CGNL1: variants seen among roughly 807,000 people sequenced by gnomAD.
The protein encoded by CGNL1 is cingulin-like protein 1.
Under a neutral mutation model 141.2 loss-of-function variants are expected in CGNL1, and 132 were observed. The observed-to-expected ratio is 0.93, with a 90% CI of 0.81 to 1.08. The LOEUF (loss-of-function observed/expected upper bound fraction) is 1.08, where lower values mean the gene tolerates loss of function less well. Among genes scored for constraint, CGNL1 ranks in the 50% least tolerant of loss-of-function variants. The pLI, the probability that CGNL1 is intolerant of heterozygous loss-of-function variation, is 0.00. For missense variants in CGNL1, 1,870 were observed against 1,588.6 expected (o/e 1.18, Z -3.01); for synonymous variants, 690 against 622.1 (o/e 1.11, Z -1.63).
chr15:57,512,333 G>C (rs2030384096), intron 8 of CGNL1, among the ~76,000 whole-genome samples: 1 of 152,172 alleles, frequency 6.6e-6, no homozygotes, highest in African/African-American at 2.4e-5. Context: ...TATGGTTTCA[G>C]GAAAGGAAAG....
intron 8 of CGNL1, among the ~76,000 whole-genome samples, chr15:57,488,096 C>T (rs372734350): frequency 1.3e-5 from 2 of 152,120 alleles, no homozygotes; most frequent in Non-Finnish European, 2.9e-5. Flanking sequence ...TAGCCATCTT[C>T]GTGGGTGTGA....
chr15:57,391,686 A>G (rs1442767885), intron 1 of CGNL1, among the ~76,000 whole-genome samples: 3 of 152,254 alleles, frequency 2.0e-5, no homozygotes, highest in Admixed American at 6.5e-5. Flanking sequence ...TTGTTACCTC[A>G]TGTAAACAAG....
chr15:57,391,201 G>C (rs777802555), intron 1 of CGNL1, among the ~76,000 whole-genome samples: 2 of 152,206 alleles, frequency 1.3e-5, no homozygotes, highest in African/African-American at 2.4e-5. Flanking sequence ...TAGTCTAGCA[G>C]AGTCCGGACT....
At chr15:57,428,150 G>A (rs1403833786) in intron 1 of CGNL1, among the ~76,000 whole-genome samples, 1 of 152,250 alleles carries the variant, frequency 6.6e-6, no homozygotes, top group Non-Finnish European at 1.5e-5. Flanking sequence ...TCTGACAGAT[G>A]AGAGCTTGTC....
intron 1 of CGNL1, among the ~76,000 whole-genome samples, chr15:57,398,061 G>A (rs1434055838): frequency 6.6e-6 from 1 of 152,126 alleles, no homozygotes; most frequent in Non-Finnish European, 1.5e-5. Flanking sequence ...GATTACAGGC[G>A]TGAGCCACCA....
At chr15:57,501,795 A>C (rs1475467161) in intron 8 of CGNL1, among the ~76,000 whole-genome samples, 1 of 151,968 alleles carries the variant, frequency 6.6e-6, no homozygotes, top group African/African-American at 2.4e-5. Context: ...GCAGCTAAGG[A>C]AGAGATGGAA....
At chr15:57,484,721 C>A (rs146783398) in intron 8 of CGNL1, among the ~76,000 whole-genome samples, 41 of 152,204 alleles carry the variant, frequency 2.7e-4, no homozygotes, top group Admixed American at 6.5e-4. Context: ...CCCTTACCCC[C>A]CAATCCACTG....
At chr15:57,417,390 C>T (rs894753680) in intron 1 of CGNL1, among the ~76,000 whole-genome samples, 5 of 152,126 alleles carry the variant, frequency 3.3e-5, no homozygotes, top group Non-Finnish European at 5.9e-5. Flanking sequence ...TGTGCCACCA[C>T]ACCCAGCTAA....
rs1326319576 is a variant in CGNL1 at position 57,438,474 on chromosome 15, A to G, written c.475A>G (p.Lys159Glu). Reference protein sequence around the residue: ...PELLQPYDPEKNELNLQNHQP... With the variant: ...PELLQPYDPEENELNLQNHQP... ...GCTTTTGCAACCCTATGACCCTGAA[A>G]AGAATGAGTTGAATTTACAAAATCA... is the stretch of plus-strand genomic sequence containing the variant. Residue 159 changes from lysine to glutamate, a missense_variant, in exon 2 of 19, where the codon AAG becomes GAG. By Grantham distance (56) the Lys-to-Glu change is moderately conservative. Coordinates refer to ENST00000281282, the MANE Select transcript of CGNL1 (RefSeq NM_032866.5). The G allele has an allele frequency of 1.9e-6, 3 of 1,614,072 alleles. No homozygotes were observed. Among genetic ancestry groups the G allele is most frequent in the Non-Finnish European group, 2.5e-6 (3 of 1,180,052 alleles).
intron 1 of CGNL1, among the ~76,000 whole-genome samples, chr15:57,392,070 A>G (rs999441145): frequency 6.6e-6 from 1 of 151,848 alleles, no homozygotes; most frequent in Non-Finnish European, 1.5e-5. Flanking sequence ...TGTGAATATC[A>G]ATTTCTGGAA....
At chr15:57,393,092 G>A (rs1380167202) in intron 1 of CGNL1, among the ~76,000 whole-genome samples, 2 of 152,292 alleles carry the variant, frequency 1.3e-5, no homozygotes, top group South Asian at 2.1e-4. Flanking sequence ...TGGAAGGAGG[G>A]GAGGTAGAGT....
At chr15:57,444,247 A>T (rs2063225166) in intron 4 of CGNL1, among the ~76,000 whole-genome samples, 1 of 152,116 alleles carries the variant, frequency 6.6e-6, no homozygotes, top group South Asian at 2.1e-4. Flanking sequence ...TATCATCAAG[A>T]TTCATTAGTG....
chr15:57,378,036 T>TG, intron 1 of CGNL1, among the ~76,000 whole-genome samples: 1 of 152,318 alleles, frequency 6.6e-6, no homozygotes, highest in South Asian at 2.1e-4. Context: ...TCTGGAAGTA[T>TG]GATGAAGCCC....
chr15:57,452,043 G>T, intron 5 of CGNL1, 98 bp from the exon 6 acceptor site: 1 of 1,038,404 alleles, frequency 9.6e-7, no homozygotes. Flanking sequence ...AATAATGTAA[G>T]TGCAAAGATA....
intron 1 of CGNL1, among the ~76,000 whole-genome samples, chr15:57,418,331 C>G (rs969810682): frequency 2.6e-5 from 4 of 152,078 alleles, no homozygotes; most frequent in Non-Finnish European, 4.4e-5. Flanking sequence ...CATCTCATGC[C>G]TCATTTTTTG....
chr15:57,399,997 C>T (rs2152247904), intron 1 of CGNL1, among the ~76,000 whole-genome samples: 1 of 42,712 alleles, frequency 2.3e-5, no homozygotes, highest in African/African-American at 8.1e-5. Context: ...ATTTCTAATA[C>T]CTTTTTTTTT....
At chr15:57,492,054 A>G (rs183395322) in intron 8 of CGNL1, among the ~76,000 whole-genome samples, 2 of 152,310 alleles carry the variant, frequency 1.3e-5, no homozygotes, top group Non-Finnish European at 2.9e-5. Flanking sequence ...AAACTAAGGA[A>G]AGCTCACTTC....
At position 57,528,684 on chromosome 15, in the gene CGNL1, T is replaced by A; in HGVS notation, c.3070T>A (p.Tyr1024Asn). ...TCTGATGGAGGAAGAGTTACGGGAC[T>A]ACCAGAGAGCTCAGGATGAAGCACT... ...MRLMEEELRD[Y>N]QRAQDEALTK... Residue 1024 changes from tyrosine to asparagine, a missense_variant, in exon 13 of 19, where the codon TAC (tyrosine) becomes AAC (asparagine). Coordinates refer to ENST00000281282, the MANE Select transcript of CGNL1 (RefSeq NM_032866.5). 6.2e-7 allele frequency: 1 copy of A among 1,614,124 alleles called. No homozygotes were observed. Among genetic ancestry groups the A allele is most frequent in the Non-Finnish European group, 8.5e-7 (1 of 1,179,996 alleles).
chr15:57,445,356 T>A (rs534075560), intron 4 of CGNL1, among the ~76,000 whole-genome samples: 3 of 152,232 alleles, frequency 2.0e-5, no homozygotes, highest in Non-Finnish European at 2.9e-5. Flanking sequence ...TCCATGACTG[T>A]TTAATTGCCA....
Sources: gnomAD v4.1 joint callset for allele counts (sites outside exome capture counted in the v4.1 genomes callset) on GRCh38, gnomAD v4.1.1 for gene constraint, MANE v1.5 for transcripts, NCBI Gene and HGNC (gene_info 2026-07-23, HGNC 2026-07-21) for gene names.